Variants in KBTBD8 observed in about 807,000 individuals in gnomAD.
KBTBD8 encodes the protein kelch repeat and BTB domain containing 8.
In KBTBD8, 31 loss-of-function variants were observed where a neutral mutation model predicts 53.5. That is an observed-to-expected ratio of 0.58 (90% CI 0.44 to 0.78). KBTBD8 has a LOEUF of 0.78. Ranked by LOEUF, KBTBD8 falls within the 30% of genes least tolerant of loss-of-function variation. The probability of loss-of-function intolerance (pLI) is 0.00; values close to 1 mark genes in which losing one functional copy is unlikely to be tolerated. For missense variants in KBTBD8, 642 were observed against 735.8 expected (o/e 0.87, Z 1.48); for synonymous variants, 250 against 247.3 (o/e 1.01, Z -0.10).
intron 3 of KBTBD8, among the ~76,000 whole-genome samples, chr3:67,006,560 T>C (rs1702065568): frequency 6.6e-6 from 1 of 152,210 alleles, no homozygotes; most frequent in African/African-American, 2.4e-5. Flanking sequence ...TCGAGAATCC[T>C]GTTACAAGTT....
rs781094127 is a variant in KBTBD8 at position 67,003,317 on chromosome 3, A to G, written c.350A>G (p.Glu117Gly). Residue 117 changes from glutamate (E) to glycine (G), a missense_variant, in exon 3 of 4, where the codon GAG (glutamate) becomes GGG (glycine). Coordinates refer to ENST00000417314, the MANE Select transcript of KBTBD8 (RefSeq NM_032505.3). ...YAYTSRVILT[E>G]ANVQALFTAA... ...TACACTTCCAGAGTTATTCTTACAGAGGCCAATGTTCAAGCCTTGTTCACT... is the reference window on the plus strand; with the variant it reads ...TACACTTCCAGAGTTATTCTTACAGGGGCCAATGTTCAAGCCTTGTTCACT... 6.2e-7 allele frequency: 1 copy of G among 1,614,194 alleles called. No individual in the cohort carries two copies.
At chr3:67,002,512 C>CTTTTTTTTTTTTTTTTTTTTTTTTTTTT (rs57174511) in intron 2 of KBTBD8, among the ~76,000 whole-genome samples, 1 of 90,368 alleles carries the variant, frequency 1.1e-5, no homozygotes, top group Non-Finnish European at 2.0e-5. Context: ...TATAGGTATT[C>CTTTTTTTTTTTTTTTTTTTTTTTTTTTT]TTTTTTTTTT....
intron 3 of KBTBD8, among the ~76,000 whole-genome samples, chr3:67,004,652 T>C (rs993411954): frequency 2.0e-5 from 3 of 152,216 alleles, no homozygotes; most frequent in Admixed American, 6.5e-5. Context: ...TTGAAATAAA[T>C]AGCAAGGTTG....
chr3:67,005,958 C>T (rs564088162), intron 3 of KBTBD8, among the ~76,000 whole-genome samples: 1 of 152,262 alleles, frequency 6.6e-6, no homozygotes, highest in African/African-American at 2.4e-5. Flanking sequence ...TTGCTCTAAT[C>T]CTTTATTTAA....
At position 66,999,102 on chromosome 3, in the gene KBTBD8, A is replaced by G. The variant is rs1701991837; in HGVS notation, c.138A>G (p.Gly46=). The G allele has an allele frequency of 6.2e-7, 1 of 1,614,170 alleles. No homozygotes were observed. The highest frequency in any genetic ancestry group is 8.5e-7 in the Non-Finnish European group (1 of 1,180,012). Residue 46 remains glycine, a synonymous_variant, in exon 2 of 4, where the codon GGA becomes GGG. Coordinates refer to ENST00000417314, the MANE Select transcript of KBTBD8 (RefSeq NM_032505.3). The part of the protein sequence containing the change: ...LKQLKTMYDE[G]QLTDIVVEVD... ...AACTCAAAACAATGTACGATGAAGGACAGTTGACAGACATTGTAGTGGAAG... is the reference window on the plus strand; with the variant it reads ...AACTCAAAACAATGTACGATGAAGGGCAGTTGACAGACATTGTAGTGGAAG...
chr3:66,998,375 G>A lies in KBTBD8; in HGVS notation c.16+4G>A. 1 of 1,297,402 alleles carries A rather than the reference G, an allele frequency of 7.7e-7. No individual in the cohort carries two copies. The highest frequency in any genetic ancestry group is 9.9e-7 in the Non-Finnish European group (1 of 1,014,244). 80.4% of individuals were successfully genotyped at this position (1,297,402 alleles called of 1,614,324 possible). ...CGAGAAATGGCCGCGTCGGCAGGTG[G>A]GTCGTGTGGTGGCCAGGGCGGCGTG... On this transcript the variant is annotated splice_donor_region_variant and intron_variant, in intron 1 of 3. Coordinates refer to ENST00000417314, the MANE Select transcript of KBTBD8 (RefSeq NM_032505.3).
rs1250657394 is a variant in KBTBD8, at chr3:67,008,581, A to G, written c.*196A>G. On this transcript the variant is annotated 3_prime_UTR_variant, in exon 4 of 4. Coordinates refer to ENST00000417314, the MANE Select transcript of KBTBD8 (RefSeq NM_032505.3). ...TTCATTTCAGTAAGGAAAAGATAAC[A>G]AAGTGCAATTATCAGCATTTTTTTT... 2 of 515,840 alleles carry G rather than the reference A, an allele frequency of 3.9e-6. No homozygotes were observed. The highest frequency in any genetic ancestry group is 3.8e-5 in the African/African-American group (2 of 52,942). The allele number at this position is 515,840 out of a possible 1,614,324, so 32.0% of individuals were successfully genotyped here.
In KBTBD8 at chr3:67,007,982, C is replaced by T. The variant is rs573752922; in HGVS notation, c.1403C>T (p.Thr468Ile). 1.5e-5 allele frequency: 24 copies of T among 1,612,914 alleles called. 1 individual carries two copies. In the South Asian group the frequency reaches 2.4e-4, roughly 16 times the overall value. The change falls in exon 4 of 4, where the codon ACT (threonine) becomes ATT (isoleucine). Residue 468 changes from threonine (T) to isoleucine (I), a missense_variant. By Grantham distance (89) the Thr-to-Ile change is moderately conservative. Coordinates refer to ENST00000417314, the MANE Select transcript of KBTBD8 (RefSeq NM_032505.3). The stretch of plus-strand genomic sequence containing the variant: ...TACTGGGGTTTCTTAACCCCCATGA[C>T]TGTGCCTAGAATCCAGGGCTTAGCA... ...KDYWGFLTPM[T>I]VPRIQGLAAV...
intron 2 of KBTBD8, among the ~76,000 whole-genome samples, chr3:67,000,153 G>A (rs146141452): frequency 6.6e-6 from 1 of 152,314 alleles, no homozygotes; most frequent in Non-Finnish European, 1.5e-5. Flanking sequence ...TGTTCCAACA[G>A]TAGTTTCTGG....
At chr3:67,001,666 A>G (rs1702019837) in intron 2 of KBTBD8, among the ~76,000 whole-genome samples, 2 of 152,192 alleles carry the variant, frequency 1.3e-5, no homozygotes, top group Admixed American at 1.3e-4. Context: ...GAAAACCAGC[A>G]CATACGTAGG....
intron 2 of KBTBD8, among the ~76,000 whole-genome samples, 167 bp downstream of exon 2, chr3:66,999,358 C>T (rs1489985033): frequency 6.6e-6 from 1 of 152,074 alleles, no homozygotes; most frequent in Non-Finnish European, 1.5e-5. Flanking sequence ...CTTCTTTTGA[C>T]TTGAGGGATT....
intron 3 of KBTBD8, among the ~76,000 whole-genome samples, chr3:67,006,884 G>A (rs564000231): frequency 6.6e-6 from 1 of 152,286 alleles, no homozygotes; most frequent in East Asian, 1.9e-4. Flanking sequence ...TTAAACAAAT[G>A]CTATAATTAG....
At chr3:66,999,272 T>C (rs1701993797) in intron 2 of KBTBD8, 81 bp downstream of exon 2, 2 of 1,071,170 alleles carry the variant, frequency 1.9e-6, no homozygotes, top group African/African-American at 3.1e-5. Context: ...GATGTTTATA[T>C]TGAGATGCGA....
intron 3 of KBTBD8, among the ~76,000 whole-genome samples, chr3:67,007,277 A>G (rs1265405796): frequency 3.3e-5 from 5 of 151,516 alleles, no homozygotes; most frequent in African/African-American, 4.8e-5. Context: ...TGAATTTTCT[A>G]TAAACACACA....
rs1413740588 is a variant in KBTBD8 at position 67,009,124 on chromosome 3, T to C, written c.*739T>C. On this transcript the variant is annotated 3_prime_UTR_variant, in exon 4 of 4. Coordinates refer to ENST00000417314, the MANE Select transcript of KBTBD8 (RefSeq NM_032505.3). ...GCTGGTGCTAGTCTAACTTAATTCATGTGTATAACTAGATGGATTTAAATG... is the reference window on the plus strand; with the variant it reads ...GCTGGTGCTAGTCTAACTTAATTCACGTGTATAACTAGATGGATTTAAATG... The C allele has an allele frequency of 6.5e-6, 1 of 152,674 alleles. No homozygotes were observed. The highest frequency in any genetic ancestry group is 1.5e-5 in the Non-Finnish European group (1 of 68,044). The allele number at this position is 152,674 out of a possible 1,614,324, so 9.5% of individuals were successfully genotyped here. A position where few individuals can be genotyped will look rare whatever the true frequency, so the allele number is the denominator to read the frequency against.
rs761330640 is a variant in KBTBD8, at chr3:67,009,631, G to A, written c.*1246G>A. ...TGAAAAGGAAAAGAGTGAGTGAACAGAACCATAGCTTTCTAGGTACTAAAG... is the reference window on the plus strand; with the variant it reads ...TGAAAAGGAAAAGAGTGAGTGAACAAAACCATAGCTTTCTAGGTACTAAAG... On this transcript the variant is annotated 3_prime_UTR_variant, in exon 4 of 4. Transcript: ENST00000417314. 7 of 152,472 alleles carry A rather than the reference G, an allele frequency of 4.6e-5. No individual in the cohort carries two copies. Among genetic ancestry groups the A allele is most frequent in the Non-Finnish European group, 8.8e-5 (6 of 67,980 alleles). The allele number at this position is 152,472 out of a possible 1,614,324, so 9.4% of individuals were successfully genotyped here.
intron 2 of KBTBD8, among the ~76,000 whole-genome samples, chr3:67,001,031 A>G (rs573569444): frequency 6.6e-6 from 1 of 152,242 alleles, no homozygotes; most frequent in African/African-American, 2.4e-5. Context: ...GAAGTATGCT[A>G]TGATAGATTT....
At chr3:67,005,365 T>A (rs967199787) in intron 3 of KBTBD8, among the ~76,000 whole-genome samples, 1 of 152,238 alleles carries the variant, frequency 6.6e-6, no homozygotes, top group Non-Finnish European at 1.5e-5. Context: ...AGCATATTTT[T>A]ACTGTACTTG....
Position 67,003,442 on chromosome 3 carries a change from G to C in KBTBD8, c.475G>C (p.Ala159Pro). 6.2e-7 allele frequency: 1 copy of C among 1,614,066 alleles called. No individual in the cohort carries two copies. The highest frequency in any genetic ancestry group is 1.1e-5 in the South Asian group (1 of 91,072). ...PQNSIGVFIF[A>P]DHYGHQELGD... ...GAATTCTATTGGGGTCTTTATCTTT[G>C]CTGATCATTATGGTCATCAGGAACT... Residue 159 changes from alanine to proline, a missense_variant, in exon 3 of 4, where the codon GCT (alanine) becomes CCT (proline). Ala to Pro is a conservative substitution (Grantham distance 27). Transcript: ENST00000417314.
Sources: allele counts gnomAD v4.1 joint callset (sites outside exome capture counted in the v4.1 genomes callset), GRCh38; gene constraint gnomAD v4.1.1; transcripts MANE v1.5; gene names NCBI Gene and HGNC (gene_info 2026-07-23, HGNC 2026-07-21).